The following PAX7 variants were observed in gnomAD, a reference collection of about 807,000 sequenced individuals.
The protein encoded by PAX7 is paired box 7, also known as paired box protein Pax-7.
Under a neutral mutation model 50.7 loss-of-function variants are expected in PAX7, and 18 were observed. The observed-to-expected ratio is 0.36, with a 90% CI of 0.25 to 0.53. The LOEUF (loss-of-function observed/expected upper bound fraction) is 0.53. Among genes scored for constraint, PAX7 ranks in the 20% least tolerant of loss-of-function variants. PAX7 has a pLI of 0.93. For synonymous variants in PAX7, 310 were observed against 290.4 expected (o/e 1.07, Z -0.69); for missense variants, 644 against 702.9 (o/e 0.92, Z 0.95).
chr1:18,720,030 T>G (rs1190022433), intron 7 of PAX7, among the ~76,000 whole-genome samples: 2 of 152,304 alleles, frequency 1.3e-5, no homozygotes, highest in South Asian at 4.2e-4. Context: ...GGCACAATGT[T>G]GGAACCAAAA....
chr1:18,744,659 C>CGGATGGATGGATGGAT (rs57915192), intron 8 of PAX7, among the ~76,000 whole-genome samples, 155 bp from the exon 9 acceptor site: 63 of 90,986 alleles, frequency 6.9e-4, no homozygotes, highest in Middle Eastern at 6.3e-3. Flanking sequence ...GTAGACAGGA[C>CGGATGGATGGATGGAT]GGATGGATGG....
chr1:18,648,355 T>G lies in PAX7; in HGVS notation c.586+11984T>G, dbSNP rs1304795444. ...TTATTTTTGTCTTTTTTTTTTTTTT[T>G]TTTTGAGACTGGGTCTTGCTCTGTC... On this transcript the variant is annotated intron_variant, in intron 4 of 8. Transcript: ENST00000420770. Among the ~76,000 whole-genome samples the G allele has an allele frequency of 4.7e-5, 7 of 150,220 alleles. No homozygotes were observed. The East Asian group carries it at 1.4e-3, about 29-fold the overall frequency.
intron 4 of PAX7, among the ~76,000 whole-genome samples, chr1:18,685,283 T>C (rs1186348225): frequency 6.6e-6 from 1 of 152,212 alleles, no homozygotes; most frequent in African/African-American, 2.4e-5. Flanking sequence ...TAGAGTGTTG[T>C]GTGCAAGTTC....
intron 7 of PAX7, among the ~76,000 whole-genome samples, chr1:18,714,616 G>GTCTCT (rs1451311905): frequency 1.3e-5 from 2 of 152,160 alleles, no homozygotes; most frequent in African/African-American, 4.8e-5. Context: ...TACTGCTGTG[G>GTCTCT]GCCTCAGTTT....
At chr1:18,701,308 A>G (rs2743200) in intron 6 of PAX7, among the ~76,000 whole-genome samples, 6,672 of 152,112 alleles carry the variant, frequency 0.044, 441 homozygotes, top group African/African-American at 0.14. Context: ...ATGAGTACAA[A>G]TGTGCGTGTG....
chr1:18,660,788 C>T (rs2088589364), intron 4 of PAX7, among the ~76,000 whole-genome samples: 1 of 152,006 alleles, frequency 6.6e-6, no homozygotes, highest in South Asian at 2.1e-4. Flanking sequence ...CAGTCCTGGC[C>T]TGTGAGCCAG....
chr1:18,683,813 G>A (rs1009732035), intron 4 of PAX7, among the ~76,000 whole-genome samples: 3 of 152,202 alleles, frequency 2.0e-5, no homozygotes, highest in African/African-American at 7.2e-5. Context: ...GCACTCAAGT[G>A]TGGGCAACAC....
intron 4 of PAX7, among the ~76,000 whole-genome samples, chr1:18,671,396 C>T (rs2088746405): frequency 6.6e-6 from 1 of 152,188 alleles, no homozygotes; most frequent in African/African-American, 2.4e-5. Context: ...AATCAGTTTG[C>T]CTTTAGCAGA....
intron 5 of PAX7, among the ~76,000 whole-genome samples, chr1:18,693,831 T>C (rs1157217686): frequency 6.6e-6 from 1 of 152,230 alleles, no homozygotes; most frequent in Non-Finnish European, 1.5e-5. Context: ...CCTTGAAGCC[T>C]GACTGCTCCT....
At chr1:18,635,068 A>G in intron 2 of PAX7, 43 bp from the exon 3 acceptor site, 1 of 1,606,472 alleles carries the variant, frequency 6.2e-7, no homozygotes, top group East Asian at 2.2e-5. Flanking sequence ...TCCTCCCCCC[A>G]TCCCATCTTT....
chr1:18,680,694 G>T (rs545545191), intron 4 of PAX7, among the ~76,000 whole-genome samples: 1 of 152,110 alleles, frequency 6.6e-6, no homozygotes, highest in African/African-American at 2.4e-5. Flanking sequence ...AGGACCAAGC[G>T]GGCAAGCCCT....
intron 7 of PAX7, among the ~76,000 whole-genome samples, chr1:18,708,063 G>C (rs2089306441): frequency 6.6e-6 from 1 of 152,090 alleles, no homozygotes; most frequent in African/African-American, 2.4e-5. Flanking sequence ...TAGGGATTAG[G>C]CACTCAGCAC....
intron 7 of PAX7, among the ~76,000 whole-genome samples, chr1:18,733,379 C>G (rs1256098758): frequency 6.6e-6 from 1 of 152,178 alleles, no homozygotes; most frequent in Non-Finnish European, 1.5e-5. Flanking sequence ...AGACCCTCCC[C>G]AGCCCAGCCT....
At chr1:18,669,761 C>T (rs768289882) in intron 4 of PAX7, among the ~76,000 whole-genome samples, 2 of 152,150 alleles carry the variant, frequency 1.3e-5, no homozygotes, top group Non-Finnish European at 2.9e-5. Context: ...TGAGTTCTGG[C>T]TTCTTTATCT....
At chr1:18,734,300 T>C (rs2089683379) in intron 7 of PAX7, among the ~76,000 whole-genome samples, 1 of 152,054 alleles carries the variant, frequency 6.6e-6, no homozygotes, top group East Asian at 1.9e-4. Context: ...CCCCACCTCA[T>C]ACTCAGGGTC....
intron 4 of PAX7, among the ~76,000 whole-genome samples, chr1:18,643,368 G>A (rs1244773839): frequency 6.6e-6 from 1 of 152,248 alleles, no homozygotes; most frequent in African/African-American, 2.4e-5. Context: ...AGGGAGGGGT[G>A]GGGAGAGGCA....
chr1:18,669,628 G>T (rs747997602), intron 4 of PAX7, among the ~76,000 whole-genome samples: 1 of 152,170 alleles, frequency 6.6e-6, no homozygotes, highest in Non-Finnish European at 1.5e-5. Context: ...AGACATTGGA[G>T]ACAAAGTCCG....
intron 7 of PAX7, among the ~76,000 whole-genome samples, chr1:18,711,337 G>T (rs1318991179): frequency 6.6e-6 from 1 of 152,172 alleles, no homozygotes; most frequent in Admixed American, 6.5e-5. Context: ...CCTGGTGCAA[G>T]TAGGAGCTCA....
At chr1:18,729,069 G>C (rs1035538725) in intron 7 of PAX7, among the ~76,000 whole-genome samples, 6 of 152,220 alleles carry the variant, frequency 3.9e-5, no homozygotes, top group African/African-American at 1.4e-4. Context: ...GGCAAGTTGT[G>C]AGCTGGGCTG....
Sources: allele counts gnomAD v4.1 joint callset (sites outside exome capture counted in the v4.1 genomes callset), GRCh38; gene constraint gnomAD v4.1.1; transcripts MANE v1.5; gene names NCBI Gene and HGNC (gene_info 2026-07-23, HGNC 2026-07-21).